NDUFAF6: variants seen among roughly 807,000 people sequenced by gnomAD.
The protein encoded by NDUFAF6 is NADH:ubiquinone oxidoreductase complex assembly factor 6, also known as NADH dehydrogenase (ubiquinone) complex I, assembly factor 6.
NDUFAF6 carries 45 observed loss-of-function variants against 40.8 expected under a neutral mutation model. The ratio of observed to expected loss-of-function variants is 1.10; its 90% confidence interval spans 0.87 to 1.42. The LOEUF is 1.42. NDUFAF6 is among the 40% of genes most tolerant of loss of function. The pLI is 0.00. For synonymous variants in NDUFAF6, 185 were observed against 155.9 expected (o/e 1.19, Z -1.39); for missense variants, 435 against 418.5 (o/e 1.04, Z -0.34).
At chr8:94,944,871 T>C (rs981401945) in intron 1 of NDUFAF6, among the ~76,000 whole-genome samples, 1 of 152,148 alleles carries the variant, frequency 6.6e-6, no homozygotes, top group African/African-American at 2.4e-5. Context: ...CCCCACAAAC[T>C]TCTAGCACAA....
chr8:94,934,834 A>G (rs1161293874), intron 1 of NDUFAF6, among the ~76,000 whole-genome samples: 1 of 152,108 alleles, frequency 6.6e-6, no homozygotes, highest in Non-Finnish European at 1.5e-5. Context: ...TGCCTGAAAC[A>G]CCTCTTAATA....
At chr8:95,065,979 A>T (rs1317802567) in intron 9 of NDUFAF6, among the ~76,000 whole-genome samples, 1 of 152,234 alleles carries the variant, frequency 6.6e-6, no homozygotes, top group Non-Finnish European at 1.5e-5. Flanking sequence ...ATTTAGATCC[A>T]CATGGAATGA....
At chr8:95,064,375 GA>G (rs748537035) in intron 9 of NDUFAF6, among the ~76,000 whole-genome samples, 32 of 152,142 alleles carry the variant, frequency 2.1e-4, no homozygotes, top group African/African-American at 4.3e-4. Flanking sequence ...GAGGTCATTT[GA>G]AAAATGAATA....
chr8:94,972,735 T>TAAAAAAAA lies in NDUFAF6; in HGVS notation c.-198-8118_-198-8111dup, dbSNP rs558408157. Among the ~76,000 whole-genome samples the TAAAAAAAA allele has an allele frequency of 4.8e-3, 634 of 132,710 alleles. 15 individuals are homozygous for TAAAAAAAA. The highest frequency in any genetic ancestry group is 7.9e-3 in the Middle Eastern group (2 of 254). The allele number at this position is 132,710 out of a possible 152,430, so 87.1% of individuals were successfully genotyped here. On this transcript the variant is annotated intron_variant, in intron 1 of 9. Transcript: ENST00000396111. Reference sequence around the variant, plus strand: ...GCAAGACCCTGTCTCTACTGAAACTTAAAAAAAAAAAAAGATCATCCAGGC... The same window carrying TAAAAAAAA: ...GCAAGACCCTGTCTCTACTGAAACTTAAAAAAAAAAAAAAAAAAAAAGATCATCCAGGC...
intron 1 of NDUFAF6, among the ~76,000 whole-genome samples, chr8:94,972,200 GT>G (rs1824525991): frequency 6.6e-6 from 1 of 152,144 alleles, no homozygotes; most frequent in Non-Finnish European, 1.5e-5. Context: ...GGTCCATGGA[GT>G]AGCAAGGCAG....
At chr8:95,100,009 A>T (rs891663893), upstream of NDUFAF6, among the ~76,000 whole-genome samples, 4 of 152,344 alleles carry the variant, frequency 2.6e-5, no homozygotes. Flanking sequence ...GCTACAGATA[A>T]TGATGCTTAA....
upstream of NDUFAF6, among the ~76,000 whole-genome samples, chr8:95,024,566 T>C (rs974578631): frequency 7.9e-5 from 12 of 152,360 alleles, no homozygotes; most frequent in African/African-American, 2.9e-4. Context: ...TATTGCAAAC[T>C]TCCAGCAACG....
At chr8:95,072,448 C>G (rs948261571) in intron 9 of NDUFAF6, among the ~76,000 whole-genome samples, 6 of 152,214 alleles carry the variant, frequency 3.9e-5, no homozygotes, top group Admixed American at 2.0e-4. Flanking sequence ...AGATGTCAAA[C>G]CAAAGCAGTG....
At chr8:95,097,377 C>G (rs1010261150), upstream of NDUFAF6, among the ~76,000 whole-genome samples, 3 of 152,166 alleles carry the variant, frequency 2.0e-5, no homozygotes, top group African/African-American at 4.8e-5. Flanking sequence ...CCTAAATGTT[C>G]GACAATAGAT....
intron 2 of NDUFAF6, among the ~76,000 whole-genome samples, chr8:95,088,121 A>G (rs996723246): frequency 6.6e-5 from 10 of 152,182 alleles, no homozygotes; most frequent in Non-Finnish European, 1.5e-4. Flanking sequence ...AGGTGCCTGC[A>G]CTGCAGCTGC....
chr8:94,951,549 T>G (rs1683037790), intron 2 of NDUFAF6, among the ~76,000 whole-genome samples: 1 of 152,216 alleles, frequency 6.6e-6, no homozygotes, highest in Non-Finnish European at 1.5e-5. Context: ...TTTACTCTCT[T>G]GCTGATTTAT....
intron 2 of NDUFAF6, among the ~76,000 whole-genome samples, chr8:94,952,683 A>T (rs1374172535): frequency 2.6e-5 from 4 of 152,240 alleles, no homozygotes; most frequent in African/African-American, 9.6e-5. Context: ...GCCAGTTACC[A>T]TCTCAGAAAG....
intron 1 of NDUFAF6, among the ~76,000 whole-genome samples, chr8:94,924,880 T>A (rs1819758865): frequency 6.6e-6 from 1 of 152,182 alleles, no homozygotes; most frequent in Non-Finnish European, 1.5e-5. Flanking sequence ...GGAGCTGGGA[T>A]TACAGGCGTG....
At chr8:95,108,281 T>C (rs533294304), downstream of NDUFAF6, among the ~76,000 whole-genome samples, 12 of 152,350 alleles carry the variant, frequency 7.9e-5, no homozygotes, top group East Asian at 2.3e-3. Context: ...GCAGCACTAT[T>C]TGGAATGTTT....
intron 9 of NDUFAF6, among the ~76,000 whole-genome samples, chr8:95,065,171 A>G (rs1832672017): frequency 6.6e-6 from 1 of 152,216 alleles, no homozygotes; most frequent in Non-Finnish European, 1.5e-5. Context: ...GAACCCAAGG[A>G]AGGAGTCATG....
At chr8:94,957,505 C>A (rs1193763270), upstream of NDUFAF6, among the ~76,000 whole-genome samples, 1 of 152,028 alleles carries the variant, frequency 6.6e-6, no homozygotes, top group Admixed American at 6.6e-5. Context: ...AATAAGACAG[C>A]GTGGTAGCCT....
chr8:94,990,503 C>T (rs1826144925), intron 2 of NDUFAF6, among the ~76,000 whole-genome samples: 1 of 152,146 alleles, frequency 6.6e-6, no homozygotes, highest in African/African-American at 2.4e-5. Flanking sequence ...GTTCCCTGCT[C>T]TCTTTTCACT....
At chr8:95,087,178 G>C (rs1191540756) in intron 2 of NDUFAF6, among the ~76,000 whole-genome samples, 1 of 151,996 alleles carries the variant, frequency 6.6e-6, no homozygotes, top group East Asian at 1.9e-4. Flanking sequence ...CATTCTTAAA[G>C]AGTAGCCAAC....
At chr8:95,083,886 A>G (rs1434380268) in intron 2 of NDUFAF6, among the ~76,000 whole-genome samples, 2 of 152,228 alleles carry the variant, frequency 1.3e-5, no homozygotes, top group Non-Finnish European at 2.9e-5. Context: ...AAAATGCTAC[A>G]TTTCAGTTAG....
Sources: allele counts gnomAD v4.1 joint callset (sites outside exome capture counted in the v4.1 genomes callset), GRCh38; gene constraint gnomAD v4.1.1; transcripts MANE v1.5; gene names NCBI Gene and HGNC (gene_info 2026-07-23, HGNC 2026-07-21).